The following MEGF10 variants were observed in gnomAD, a reference collection of about 807,000 sequenced individuals.
MEGF10 encodes the protein multiple epidermal growth factor-like domains protein 10.
A neutral mutation model predicts 147.5 loss-of-function variants in MEGF10; 86 were observed. That is an observed-to-expected ratio of 0.58 (90% CI 0.49 to 0.70). The LOEUF (loss-of-function observed/expected upper bound fraction) is 0.70, where lower values mean the gene tolerates loss of function less well. Among genes scored for constraint, MEGF10 ranks in the 30% least tolerant of loss-of-function variants. MEGF10 has a pLI of 0.00. For missense variants in MEGF10, 1,329 were observed against 1,487.3 expected (o/e 0.89, Z 1.75); for synonymous variants, 478 against 525.5 (o/e 0.91, Z 1.24).
At chr5:127,380,607 T>C (rs1763217011) in intron 5 of MEGF10, among the ~76,000 whole-genome samples, 1 of 151,714 alleles carries the variant, frequency 6.6e-6, no homozygotes, top group Admixed American at 6.6e-5. Context: ...AACCCCCGCC[T>C]CCTGGGTTCA....
the MEGF10 span, among the ~76,000 whole-genome samples, chr5:127,262,183 CA>C: frequency 6.6e-6 from 1 of 151,996 alleles, no homozygotes; most frequent in Non-Finnish European, 1.5e-5. Context: ...AATCTATTGC[CA>C]AATCTGAAAT....
intron 13 of MEGF10, among the ~76,000 whole-genome samples, chr5:127,428,886 T>C (rs1219798166): frequency 3.9e-5 from 6 of 152,246 alleles, no homozygotes; most frequent in Non-Finnish European, 8.8e-5. Context: ...TTGAGGCCGC[T>C]GGCATAATGC....
intron 1 of MEGF10, among the ~76,000 whole-genome samples, chr5:127,312,064 A>G (rs189083072): frequency 6.6e-6 from 1 of 152,238 alleles, no homozygotes; most frequent in East Asian, 1.9e-4. Context: ...ATCCTAACAA[A>G]ACCACAGCTC....
At chr5:127,337,117 C>A (rs1306049787) in intron 2 of MEGF10, among the ~76,000 whole-genome samples, 1 of 152,056 alleles carries the variant, frequency 6.6e-6, no homozygotes, top group Non-Finnish European at 1.5e-5. Context: ...CTCAGTGTTC[C>A]CAAGTGGGGA....
At chr5:127,233,657 C>T in the MEGF10 span, among the ~76,000 whole-genome samples, 2 of 151,858 alleles carry the variant, frequency 1.3e-5, no homozygotes, top group African/African-American at 2.4e-5. Context: ...ACTTTTTTTC[C>T]CATTAGATTA....
Position 127,423,509 on chromosome 5 carries a change from C to T in MEGF10, c.1693+737C>T, listed in dbSNP as rs1000627888. Among the ~76,000 whole-genome samples the T allele has an allele frequency of 7.9e-5, 12 of 152,250 alleles. No homozygotes were observed. In the South Asian group the frequency reaches 1.9e-3, roughly 24 times the overall value. On this transcript the variant is annotated intron_variant, in intron 13 of 24. Transcript: ENST00000503335. ...ACTTTACATTCCTACCAGTAATGTA[C>T]GAGGGTTCCATTTTTTTCATTTCCT...
chr5:127,275,159 A>G, the MEGF10 span, among the ~76,000 whole-genome samples: 1 of 152,252 alleles, frequency 6.6e-6, no homozygotes, highest in South Asian at 2.1e-4. Context: ...ATCTGTTACC[A>G]TAAAACGAAA....
At chr5:127,370,182 C>T (rs189106089) in intron 5 of MEGF10, among the ~76,000 whole-genome samples, 180 bp downstream of exon 5, 9 of 152,216 alleles carry the variant, frequency 5.9e-5, no homozygotes, top group South Asian at 2.1e-4. Flanking sequence ...ATACATTATT[C>T]GTTAATTAAG....
At chr5:127,449,513 C>G (rs545733474) in intron 22 of MEGF10, among the ~76,000 whole-genome samples, 2 of 152,206 alleles carry the variant, frequency 1.3e-5, no homozygotes, top group Non-Finnish European at 2.9e-5. Context: ...TTAATTCTCA[C>G]AAGTACTCTA....
intron 13 of MEGF10, among the ~76,000 whole-genome samples, chr5:127,430,747 C>T (rs1409928560): frequency 1.3e-5 from 2 of 152,134 alleles, no homozygotes; most frequent in Non-Finnish European, 2.9e-5. Flanking sequence ...AAGACAACTC[C>T]ACACCTTTCC....
At chr5:127,424,189 A>G in intron 13 of MEGF10, 1 of 585,872 alleles carries the variant, frequency 1.7e-6, no homozygotes, top group Non-Finnish European at 3.0e-6. Flanking sequence ...CATAAATGTG[A>G]GAGGATTTAT....
chr5:127,375,971 A>T (rs1211120867), intron 5 of MEGF10, among the ~76,000 whole-genome samples: 1 of 152,226 alleles, frequency 6.6e-6, no homozygotes, highest in Non-Finnish European at 1.5e-5. Context: ...TGCTGCTCTG[A>T]CAGAGCTCAT....
At chr5:127,302,235 A>C (rs1354042122) in intron 1 of MEGF10, among the ~76,000 whole-genome samples, 4 of 152,224 alleles carry the variant, frequency 2.6e-5, no homozygotes, top group Non-Finnish European at 5.9e-5. Context: ...CTATCAACTG[A>C]TAAAGGGATA....
At chr5:127,381,747 T>G (rs547287699) in intron 5 of MEGF10, among the ~76,000 whole-genome samples, 9 of 152,334 alleles carry the variant, frequency 5.9e-5, no homozygotes, top group Non-Finnish European at 8.8e-5. Context: ...CTCAACTGAC[T>G]GCAACCTCCA....
intron 1 of MEGF10, among the ~76,000 whole-genome samples, chr5:127,324,563 C>A (rs1760924943): frequency 6.6e-6 from 1 of 152,052 alleles, no homozygotes; most frequent in South Asian, 2.1e-4. Flanking sequence ...AGGCTACCAC[C>A]CTAGGAAGGT....
At position 127,435,335 on chromosome 5, in the gene MEGF10, G is replaced by A. The variant is rs776815132; in HGVS notation, c.1976-26G>A. On this transcript the variant is annotated intron_variant, in intron 15 of 24. Transcript: ENST00000503335. ...TCTGCGAGAGGGGTTTTGATTGTGA[G>A]TTACTGACCTATAGCTTATTCACAG... The A allele has an allele frequency of 3.1e-6, 5 of 1,612,248 alleles. No individual in the cohort carries two copies. In the South Asian group the frequency reaches 3.3e-5, roughly 11 times the overall value.
chr5:127,384,015 C>T (rs1223914619), intron 5 of MEGF10, among the ~76,000 whole-genome samples: 2 of 152,218 alleles, frequency 1.3e-5, no homozygotes, highest in Admixed American at 6.6e-5. Flanking sequence ...AACAGTGGTC[C>T]TGAATATTCA....
intron 9 of MEGF10, among the ~76,000 whole-genome samples, chr5:127,411,052 G>A (rs1196602008): frequency 6.6e-6 from 1 of 152,168 alleles, no homozygotes; most frequent in Non-Finnish European, 1.5e-5. Context: ...GCTAGAGAGA[G>A]GAAGTGAACT....
chr5:127,365,183 C>T (rs1224234341), intron 4 of MEGF10, among the ~76,000 whole-genome samples: 3 of 152,048 alleles, frequency 2.0e-5, no homozygotes, highest in African/African-American at 4.8e-5. Flanking sequence ...GATAATTGTT[C>T]CTTTAAAAAA....
Sources: allele counts gnomAD v4.1 joint callset (sites outside exome capture counted in the v4.1 genomes callset), GRCh38; gene constraint gnomAD v4.1.1; transcripts MANE v1.5; gene names NCBI Gene and HGNC (gene_info 2026-07-23, HGNC 2026-07-21).